Variants in ARHGAP25 observed in about 807,000 individuals in gnomAD.
The protein encoded by ARHGAP25 is Rho GTPase activating protein 25.
Under a neutral mutation model 71.0 loss-of-function variants are expected in ARHGAP25, and 34 were observed. The ratio of observed to expected loss-of-function variants is 0.48; its 90% CI spans 0.36 to 0.64. The LOEUF (loss-of-function observed/expected upper bound fraction) is 0.64, where lower values mean the gene tolerates loss of function less well. Ranked by LOEUF, ARHGAP25 falls within the 30% of genes least tolerant of loss-of-function variation. ARHGAP25 has a pLI of 0.00. For synonymous variants in ARHGAP25, 282 were observed against 296.5 expected, an observed-to-expected ratio of 0.95 and a Z score of 0.50; for missense variants, 706 against 805.1, an observed-to-expected ratio of 0.88 and a Z score of 1.49.
At chr2:68,720,497 G>C (rs1453119620) in intron 2 of ARHGAP25, among the ~76,000 whole-genome samples, 1 of 152,044 alleles carries the variant, frequency 6.6e-6, no homozygotes, top group Non-Finnish European at 1.5e-5. Context: ...ATGCATAATG[G>C]CTGCAGTCTG....
chr2:68,760,524 C>G (rs971966031), intron 1 of ARHGAP25, among the ~76,000 whole-genome samples: 5 of 151,942 alleles, frequency 3.3e-5, no homozygotes, highest in African/African-American at 1.2e-4. Flanking sequence ...ATCAGTTGCA[C>G]TTCTATACAC....
intron 1 of ARHGAP25, among the ~76,000 whole-genome samples, chr2:68,743,751 G>A (rs576894016): frequency 3.0e-4 from 45 of 152,134 alleles, no homozygotes; most frequent in Non-Finnish European, 5.1e-4. Context: ...TCCTGTGAGC[G>A]TTCCTCATTC....
intron 5 of ARHGAP25, among the ~76,000 whole-genome samples, chr2:68,809,183 A>G (rs1680593327): frequency 6.6e-6 from 1 of 152,022 alleles, no homozygotes; most frequent in Non-Finnish European, 1.5e-5. Flanking sequence ...TGATTCTGAA[A>G]ACCCTCTTTT....
Position 68,826,121 on chromosome 2 carries a change from A to G in ARHGAP25, c.1868A>G (p.Lys623Arg). Residue 623 changes from lysine to arginine, a missense_variant, in exon 11 of 11, where the codon AAG (lysine) becomes AGG (arginine). Transcript: ENST00000409202. ...GAGCGCTCCCGGGAGGATGTTGAGA[A>G]GAGGAACAAGGCCTTGGAAGAAGAA... ...NMERSREDVE[K>R]RNKALEEEVK... The G allele has an allele frequency of 6.2e-7, 1 of 1,614,152 alleles. No individual in the cohort carries two copies. The highest frequency in any genetic ancestry group is 8.5e-7 in the Non-Finnish European group (1 of 1,180,022).
At chr2:68,765,359 G>GT (rs1553398663) in intron 1 of ARHGAP25, among the ~76,000 whole-genome samples, 1 of 90,170 alleles carries the variant, frequency 1.1e-5, no homozygotes. Flanking sequence ...TAGTTGACAT[G>GT]TAAAAAAAAA....
chr2:68,804,088 G>A (rs1680192745), intron 4 of ARHGAP25, among the ~76,000 whole-genome samples: 1 of 152,160 alleles, frequency 6.6e-6, no homozygotes. Flanking sequence ...AGGCATGAGA[G>A]AAATAGAGGA....
intron 8 of ARHGAP25, 40 bp from the exon 9 acceptor site, chr2:68,819,081 CCT>C (rs753762761): frequency 6.7e-7 from 1 of 1,485,272 alleles, no homozygotes; most frequent in Non-Finnish European, 9.0e-7. Context: ...TGACTACCTG[CCT>C]CCTACACTAC....
intron 2 of ARHGAP25, among the ~76,000 whole-genome samples, chr2:68,718,528 TAA>T (rs1558596967): frequency 2.4e-5 from 1 of 41,660 alleles, no homozygotes; most frequent in Non-Finnish European, 4.1e-5. Flanking sequence ...AAGAAATATA[TAA>T]GTGTGTGTGT....
At position 68,762,061 on chromosome 2, in the gene ARHGAP25, G is replaced by A. The variant is rs532779361; in HGVS notation, c.62-13160G>A. The stretch of plus-strand genomic sequence containing the variant: ...GAATGTATTCAGCCTTAAAAAGGAA[G>A]GACATTCTGCAATATGCTATAGCAC... On this transcript the variant is annotated intron_variant, in intron 1 of 10. Transcript: ENST00000409202. Among the ~76,000 whole-genome samples, 10 of 152,290 alleles carry A rather than the reference G, an allele frequency of 6.6e-5. No individual in the cohort carries two copies. The East Asian group carries it at 1.7e-3, about 26-fold the overall frequency.
intron 3 of ARHGAP25, among the ~76,000 whole-genome samples, chr2:68,784,756 A>G (rs920259072): frequency 3.3e-4 from 51 of 152,250 alleles, no homozygotes; most frequent in Non-Finnish European, 8.8e-5. Context: ...AATGTGGCAA[A>G]GAACAAAGCA....
intron 3 of ARHGAP25, among the ~76,000 whole-genome samples, chr2:68,784,567 A>G (rs77948873): frequency 2.0e-5 from 3 of 152,240 alleles, no homozygotes; most frequent in Admixed American, 1.3e-4. Context: ...CTCTCATAGC[A>G]TAACTATCTA....
chr2:68,772,211 T>C (rs987904476), intron 1 of ARHGAP25, among the ~76,000 whole-genome samples: 2 of 152,256 alleles, frequency 1.3e-5, no homozygotes, highest in African/African-American at 4.8e-5. Context: ...ACTTCTTCAA[T>C]GCTGTTGGAG....
intron 1 of ARHGAP25, among the ~76,000 whole-genome samples, chr2:68,755,251 A>C (rs186730628): frequency 7.2e-5 from 11 of 152,134 alleles, no homozygotes; most frequent in Admixed American, 2.0e-4. Context: ...CCACACACTT[A>C]AGCATTATAA....
rs137856874 is a variant in ARHGAP25 at position 68,826,009 on chromosome 2, G to A, written c.1756G>A (p.Val586Ile). The A allele has an allele frequency of 1.3e-3, 2,031 of 1,613,450 alleles. 12 individuals are homozygous for A. The highest frequency in any genetic ancestry group is 6.9e-4 in the Non-Finnish European group (811 of 1,179,814). ...TAGCCTTGAGAAGGAAAATTATGAC[G>A]TTTGGGCTAAAGTGGTGAGGCTCAA... ...IKNLEKENYD[V>I]WAKVVRLNEE... is the part of the protein sequence containing the mutation. The change falls in exon 11 of 11, where the codon GTT (valine) becomes ATT (isoleucine). Residue 586 changes from valine to isoleucine, a missense_variant. Coordinates refer to ENST00000409202, the MANE Select transcript of ARHGAP25 (RefSeq NM_001007231.3).
At chr2:68,795,874 A>G (rs532358077) in intron 4 of ARHGAP25, among the ~76,000 whole-genome samples, 7 of 152,250 alleles carry the variant, frequency 4.6e-5, no homozygotes, top group African/African-American at 1.2e-4. Flanking sequence ...TCCCACTATT[A>G]CTGTGTTGCT....
intron 1 of ARHGAP25, among the ~76,000 whole-genome samples, chr2:68,755,218 C>T (rs965308512): frequency 1.3e-5 from 2 of 152,090 alleles, no homozygotes; most frequent in South Asian, 4.2e-4. Flanking sequence ...TTTTTCTCTC[C>T]AGCACTGCCC....
chr2:68,765,917 T>C (rs547901538), intron 1 of ARHGAP25, among the ~76,000 whole-genome samples: 1 of 152,342 alleles, frequency 6.6e-6, no homozygotes, highest in South Asian at 2.1e-4. Context: ...TGACGTCTGT[T>C]AGGCTGTAAT....
intron 3 of ARHGAP25, among the ~76,000 whole-genome samples, chr2:68,783,762 C>T (rs545361705): frequency 6.6e-6 from 1 of 152,286 alleles, no homozygotes; most frequent in Non-Finnish European, 1.5e-5. Flanking sequence ...CATTCCTAGC[C>T]TCCCTTGCTT....
upstream of ARHGAP25, among the ~76,000 whole-genome samples, chr2:68,734,114 G>A (rs578139834): frequency 6.6e-6 from 1 of 152,326 alleles, no homozygotes; most frequent in South Asian, 2.1e-4. Context: ...TTGAATTAAT[G>A]TGTGTGGTGC....
Sources: allele counts gnomAD v4.1 joint callset (sites outside exome capture counted in the v4.1 genomes callset), GRCh38; gene constraint gnomAD v4.1.1; transcripts MANE v1.5; gene names NCBI Gene and HGNC (gene_info 2026-07-23, HGNC 2026-07-21).